The following RPS6KC1 variants were observed in gnomAD, a reference collection of about 807,000 sequenced individuals.
RPS6KC1 encodes the protein ribosomal protein S6 kinase C1.
RPS6KC1 carries 54 observed loss-of-function variants against 103.8 expected under a neutral mutation model. The ratio of observed to expected loss-of-function variants is 0.52; its 90% CI spans 0.42 to 0.65. The LOEUF is 0.65. Among genes scored for constraint, RPS6KC1 ranks in the 30% least tolerant of loss-of-function variants. The pLI, the probability that RPS6KC1 is intolerant of heterozygous loss-of-function variation, is 0.00. For missense variants in RPS6KC1, 1,151 were observed against 1,253.8 expected (o/e 0.92, Z 1.24); for synonymous variants, 439 against 438.7 (o/e 1.00, Z -0.01).
the RPS6KC1 span, among the ~76,000 whole-genome samples, chr1:213,445,068 G>C: frequency 1.3e-5 from 2 of 152,094 alleles, no homozygotes; most frequent in Admixed American, 1.3e-4. Flanking sequence ...GACTCTATAT[G>C]TTTGCCCGTT....
the RPS6KC1 span, among the ~76,000 whole-genome samples, chr1:213,789,152 A>G: frequency 6.6e-6 from 1 of 152,128 alleles, no homozygotes; most frequent in South Asian, 2.1e-4. Context: ...GGGAAAAGAA[A>G]GGTTGGAATT....
At chr1:213,200,188 G>T (rs574125014) in intron 8 of RPS6KC1, among the ~76,000 whole-genome samples, 1 of 152,212 alleles carries the variant, frequency 6.6e-6, no homozygotes, top group African/African-American at 2.4e-5. Flanking sequence ...GTAATCCTAA[G>T]CAAAAAGAAC....
At chr1:213,637,185 AT>A in the RPS6KC1 span, among the ~76,000 whole-genome samples, 1 of 152,192 alleles carries the variant, frequency 6.6e-6, no homozygotes, top group Non-Finnish European at 1.5e-5. Flanking sequence ...TAGTTCAACC[AT>A]TGTGGAAGAC....
the RPS6KC1 span, among the ~76,000 whole-genome samples, chr1:213,714,380 A>G: frequency 6.6e-6 from 1 of 152,184 alleles, no homozygotes; most frequent in Non-Finnish European, 1.5e-5. Context: ...TCAAATAGTC[A>G]TTTTCATACC....
At chr1:213,533,582 C>T in the RPS6KC1 span, among the ~76,000 whole-genome samples, 3 of 152,182 alleles carry the variant, frequency 2.0e-5, no homozygotes, top group African/African-American at 7.2e-5. Flanking sequence ...CAGGCCTGAG[C>T]TTCAGCTGCC....
chr1:213,726,781 C>T, the RPS6KC1 span, among the ~76,000 whole-genome samples: 1 of 152,114 alleles, frequency 6.6e-6, no homozygotes, highest in South Asian at 2.1e-4. Context: ...TTATATGAAA[C>T]ATTATTAAAA....
chr1:213,722,763 T>TC, the RPS6KC1 span, among the ~76,000 whole-genome samples: 1 of 152,148 alleles, frequency 6.6e-6, no homozygotes, highest in African/African-American at 2.4e-5. Flanking sequence ...AGAGTGGGAC[T>TC]CCGCAGAGGA....
chr1:213,259,434 G>A (rs889731428), intron 12 of RPS6KC1, among the ~76,000 whole-genome samples: 4 of 152,010 alleles, frequency 2.6e-5, no homozygotes, highest in African/African-American at 4.8e-5. Context: ...GTGGTGGCAC[G>A]CACCTGTAGT....
At chr1:213,389,882 T>C in the RPS6KC1 span, among the ~76,000 whole-genome samples, 1 of 152,146 alleles carries the variant, frequency 6.6e-6, no homozygotes, top group East Asian at 1.9e-4. Context: ...GAAATTGTAA[T>C]ACACAGAGCA....
chr1:213,419,042 C>T, the RPS6KC1 span, among the ~76,000 whole-genome samples: 5 of 152,246 alleles, frequency 3.3e-5, no homozygotes, highest in Admixed American at 1.3e-4. Context: ...TTCTCTGGAA[C>T]TTTCTCTCTC....
chr1:213,112,226 A>T (rs1032903531), intron 4 of RPS6KC1, among the ~76,000 whole-genome samples: 11 of 152,118 alleles, frequency 7.2e-5, no homozygotes, highest in Non-Finnish European at 1.3e-4. Flanking sequence ...GTAGAGGGGA[A>T]GGTATTAAGG....
At chr1:213,630,401 A>G in the RPS6KC1 span, among the ~76,000 whole-genome samples, 1 of 152,090 alleles carries the variant, frequency 6.6e-6, no homozygotes, top group Non-Finnish European at 1.5e-5. Context: ...TTCGTCATGT[A>G]GTTCTTGTGC....
chr1:213,279,341 C>A (rs2095118461), downstream of RPS6KC1, among the ~76,000 whole-genome samples: 1 of 152,108 alleles, frequency 6.6e-6, no homozygotes, highest in Admixed American at 6.6e-5. Context: ...GTGTTCCTAT[C>A]AAATAATTGC....
At chr1:213,225,629 T>C (rs1232615246) in intron 8 of RPS6KC1, among the ~76,000 whole-genome samples, 1 of 152,140 alleles carries the variant, frequency 6.6e-6, no homozygotes, top group Non-Finnish European at 1.5e-5. Context: ...CCTCAGGTGA[T>C]CCACCCACCT....
chr1:213,750,253 C>T, the RPS6KC1 span, among the ~76,000 whole-genome samples: 1 of 152,226 alleles, frequency 6.6e-6, no homozygotes, highest in Non-Finnish European at 1.5e-5. Flanking sequence ...AAGGGCAATG[C>T]TTTAAACTTT....
At chr1:213,091,501 T>C (rs776558262) in intron 3 of RPS6KC1, among the ~76,000 whole-genome samples, 13 of 152,228 alleles carry the variant, frequency 8.5e-5, no homozygotes, top group Non-Finnish European at 1.5e-4. Context: ...CTTTGTTACA[T>C]TACAATCCGT....
the RPS6KC1 span, among the ~76,000 whole-genome samples, chr1:213,723,056 T>C: frequency 6.6e-6 from 1 of 152,118 alleles, no homozygotes; most frequent in Admixed American, 6.5e-5. Context: ...GGCAGGTGCC[T>C]GTAGTCCCAG....
chr1:213,824,933 T>A, the RPS6KC1 span, among the ~76,000 whole-genome samples: 6 of 152,242 alleles, frequency 3.9e-5, no homozygotes, highest in Non-Finnish European at 7.3e-5. Context: ...GCCTAAAGGC[T>A]GCTGCTTCTC....
the RPS6KC1 span, among the ~76,000 whole-genome samples, chr1:213,338,323 G>C: frequency 6.6e-6 from 1 of 152,174 alleles, no homozygotes; most frequent in African/African-American, 2.4e-5. Flanking sequence ...CTCCAGGCCT[G>C]TCTGCTTCAT....
Sources: gnomAD v4.1 joint callset for allele counts (sites outside exome capture counted in the v4.1 genomes callset) on GRCh38, gnomAD v4.1.1 for gene constraint, MANE v1.5 for transcripts, NCBI Gene and HGNC (gene_info 2026-07-23, HGNC 2026-07-21) for gene names.